The following CCDC85A variants were observed in gnomAD, a reference collection of about 807,000 sequenced individuals.
CCDC85A encodes coiled-coil domain-containing protein 85A.
A neutral mutation model predicts 50.2 loss-of-function variants in CCDC85A; 38 were observed. The ratio of observed to expected loss-of-function variants is 0.76; its 90% confidence interval spans 0.58 to 0.99. CCDC85A has a LOEUF of 0.99. Among genes scored for constraint, CCDC85A ranks in the 50% least tolerant of loss-of-function variants. The pLI, the probability that CCDC85A is intolerant of heterozygous loss-of-function variation, is 0.00. For synonymous variants in CCDC85A, 366 were observed against 301.4 expected (o/e 1.21, Z -2.22); for missense variants, 820 against 742.0 (o/e 1.11, Z -1.22).
intron 2 of CCDC85A, among the ~76,000 whole-genome samples, chr2:56,330,472 A>G (rs764937096): frequency 3.9e-5 from 6 of 152,206 alleles, no homozygotes; most frequent in Non-Finnish European, 4.4e-5. Flanking sequence ...CAGAACTTTC[A>G]GTAGCATCTG....
At chr2:56,383,457 T>G (rs1292817945) in intron 5 of CCDC85A, 2 of 275,178 alleles carry the variant, frequency 7.3e-6, no homozygotes, top group Non-Finnish European at 1.1e-5. Flanking sequence ...GATGTATTAT[T>G]GGTGAATTCG....
intron 2 of CCDC85A, among the ~76,000 whole-genome samples, chr2:56,214,126 AAT>A (rs1677297471): frequency 7.2e-6 from 1 of 138,340 alleles, no homozygotes; most frequent in African/African-American, 2.9e-5. Context: ...TAGTATATAT[AAT>A]ATGTTAAGAG....
chr2:56,317,153 G>A (rs904460194), intron 2 of CCDC85A, among the ~76,000 whole-genome samples: 1 of 152,068 alleles, frequency 6.6e-6, no homozygotes, highest in Non-Finnish European at 1.5e-5. Context: ...TCATAGCCAA[G>A]TCAATTCAGC....
At chr2:56,284,978 T>C (rs999366085) in intron 2 of CCDC85A, among the ~76,000 whole-genome samples, 2 of 152,186 alleles carry the variant, frequency 1.3e-5, no homozygotes, top group African/African-American at 4.8e-5. Context: ...TTTGACCCCA[T>C]ATATATGGCT....
At chr2:56,254,212 T>C (rs1445369162) in intron 2 of CCDC85A, among the ~76,000 whole-genome samples, 1 of 152,080 alleles carries the variant, frequency 6.6e-6, no homozygotes, top group East Asian at 1.9e-4. Context: ...ATTTGATGAA[T>C]GTGAAAAAAT....
intron 2 of CCDC85A, among the ~76,000 whole-genome samples, chr2:56,328,672 G>A (rs1673599537): frequency 6.6e-6 from 1 of 152,104 alleles, no homozygotes; most frequent in Non-Finnish European, 1.5e-5. Flanking sequence ...GCCATTGCAT[G>A]ATATTCGTTC....
chr2:56,367,951 A>G (rs1675884338), intron 3 of CCDC85A, among the ~76,000 whole-genome samples: 1 of 152,208 alleles, frequency 6.6e-6, no homozygotes. Context: ...AAGGCACAGA[A>G]AGGCCATATA....
intron 5 of CCDC85A, among the ~76,000 whole-genome samples, chr2:56,380,448 A>G (rs889986429): frequency 6.6e-6 from 1 of 151,874 alleles, no homozygotes; most frequent in Non-Finnish European, 1.5e-5. Flanking sequence ...TAGTCCCAGC[A>G]CTTTGGGAGG....
At chr2:56,321,542 A>T (rs10110286) in intron 2 of CCDC85A, among the ~76,000 whole-genome samples, 1 of 152,178 alleles carries the variant, frequency 6.6e-6, no homozygotes, top group African/African-American at 2.4e-5. Flanking sequence ...CCCATTCACA[A>T]TTGCTTCAAA....
chr2:56,310,023 C>T (rs1346567951), intron 2 of CCDC85A, among the ~76,000 whole-genome samples: 2 of 152,146 alleles, frequency 1.3e-5, no homozygotes, highest in African/African-American at 4.8e-5. Context: ...CACACCATCA[C>T]CTTTTACCTG....
At chr2:56,307,824 A>G (rs1672512013) in intron 2 of CCDC85A, among the ~76,000 whole-genome samples, 1 of 152,198 alleles carries the variant, frequency 6.6e-6, no homozygotes, top group Non-Finnish European at 1.5e-5. Context: ...GATGGTGGGT[A>G]TGGACAAGTG....
In CCDC85A at chr2:56,184,136, C is replaced by A; in HGVS notation, c.-489C>A. On this transcript the variant is annotated 5_prime_UTR_variant, in exon 1 of 6. Transcript: ENST00000407595. ...GCAGCCGGGGAGGCGCCGCGGTGCC[C>A]GGCGCGCCCTCCAAGCTAGGAGAGG... The A allele has an allele frequency of 1.0e-6, 1 of 985,612 alleles. No individual in the cohort carries two copies. Among genetic ancestry groups the A allele is most frequent in the African/African-American group, 1.7e-5 (1 of 57,330 alleles). 61.1% of individuals were successfully genotyped at this position (985,612 alleles called of 1,614,324 possible).
intron 2 of CCDC85A, among the ~76,000 whole-genome samples, chr2:56,272,567 T>C (rs977401157): frequency 6.6e-6 from 1 of 152,136 alleles, no homozygotes; most frequent in African/African-American, 2.4e-5. Flanking sequence ...AGAAATTAAC[T>C]GGGAAGCTCC....
chr2:56,231,756 A>G (rs1463593429), intron 2 of CCDC85A, among the ~76,000 whole-genome samples: 1 of 152,168 alleles, frequency 6.6e-6, no homozygotes, highest in Admixed American at 6.5e-5. Context: ...TAGGAAAAAG[A>G]TCCTGAACTT....
chr2:56,254,072 A>G (rs72923439), intron 2 of CCDC85A, among the ~76,000 whole-genome samples: 1,689 of 152,298 alleles, frequency 0.011, 29 homozygotes, highest in African/African-American at 0.039. Flanking sequence ...ACATATACAC[A>G]TATACATATA....
intron 2 of CCDC85A, among the ~76,000 whole-genome samples, chr2:56,322,580 A>T (rs1483909702): frequency 6.6e-6 from 1 of 152,214 alleles, no homozygotes; most frequent in East Asian, 1.9e-4. Context: ...AATGCAAACC[A>T]AAACCACAAT....
chr2:56,368,650 T>C (rs1675923103), intron 3 of CCDC85A, among the ~76,000 whole-genome samples: 1 of 152,156 alleles, frequency 6.6e-6, no homozygotes, highest in Admixed American at 6.6e-5. Flanking sequence ...GCTTCCGTAG[T>C]TGGCCTTCTA....
At chr2:56,299,779 A>G (rs887125740) in intron 2 of CCDC85A, among the ~76,000 whole-genome samples, 3 of 152,106 alleles carry the variant, frequency 2.0e-5, no homozygotes, top group African/African-American at 7.2e-5. Context: ...CTAAAGTAAT[A>G]TTACCCATGA....
intron 2 of CCDC85A, among the ~76,000 whole-genome samples, chr2:56,265,895 G>A (rs1472819113): frequency 6.6e-6 from 1 of 152,110 alleles, no homozygotes; most frequent in African/African-American, 2.4e-5. Context: ...ATCAATCTAA[G>A]TGTCCAACAG....
Sources: gnomAD v4.1 joint callset for allele counts (sites outside exome capture counted in the v4.1 genomes callset) on GRCh38, gnomAD v4.1.1 for gene constraint, MANE v1.5 for transcripts, NCBI Gene and HGNC (gene_info 2026-07-23, HGNC 2026-07-21) for gene names.